Variants in KSR2 observed in about 807,000 individuals in gnomAD.
KSR2 encodes kinase suppressor of ras 2.
A neutral mutation model predicts 107.8 loss-of-function variants in KSR2; 25 were observed. The observed-to-expected ratio is 0.23, with a 90% CI of 0.17 to 0.32. KSR2 has a LOEUF of 0.32. Ranked by LOEUF, KSR2 falls within the 10% of genes least tolerant of loss-of-function variation. The pLI is 1.00. For missense variants in KSR2, 887 were observed against 1,268.9 expected (o/e 0.70, Z 4.57); for synonymous variants, 480 against 507.0 (o/e 0.95, Z 0.71).
chr12:117,615,018 T>A (rs1039130790), intron 5 of KSR2, among the ~76,000 whole-genome samples: 2 of 152,074 alleles, frequency 1.3e-5, no homozygotes, highest in African/African-American at 2.4e-5. Flanking sequence ...AGACCTAGGA[T>A]GCCGTCCCTT....
intron 19 of KSR2, chr12:117,467,691 TCCACACTGCAG>T (rs1429510371): frequency 1.4e-5 from 5 of 359,260 alleles, no homozygotes; most frequent in Admixed American, 1.3e-4. Flanking sequence ...GGGACTGGGA[TCCACACTGCAG>T]CCTCCTGCTA....
chr12:117,529,075 A>G (rs1798897906), intron 12 of KSR2, among the ~76,000 whole-genome samples: 2 of 152,222 alleles, frequency 1.3e-5, no homozygotes, highest in South Asian at 2.1e-4. Context: ...AAAGTCCATA[A>G]GACCAGTCAG....
intron 14 of KSR2, among the ~76,000 whole-genome samples, chr12:117,488,430 A>G (rs532417426): frequency 2.0e-5 from 3 of 152,312 alleles, no homozygotes; most frequent in African/African-American, 7.2e-5. Context: ...TGTGTCCCCA[A>G]TTCCGTATGT....
chr12:117,962,372 G>T (rs1323226118), intron 1 of KSR2, among the ~76,000 whole-genome samples: 1 of 151,664 alleles, frequency 6.6e-6, no homozygotes, highest in Non-Finnish European at 1.5e-5. Context: ...CTATCCTACA[G>T]CCTAGGGATT....
At chr12:117,631,672 A>C (rs897577682) in intron 5 of KSR2, among the ~76,000 whole-genome samples, 1 of 152,204 alleles carries the variant, frequency 6.6e-6, no homozygotes, top group Non-Finnish European at 1.5e-5. Context: ...GTTCATTAAC[A>C]ACCAGAATCC....
intron 19 of KSR2, among the ~76,000 whole-genome samples, chr12:117,469,349 TGGC>T (rs770688864): frequency 2.0e-5 from 3 of 152,096 alleles, no homozygotes; most frequent in Non-Finnish European, 4.4e-5. Flanking sequence ...ATGGGGGGCT[TGGC>T]AGGTTCAGAC....
At chr12:117,641,349 T>C (rs1159650337) in intron 5 of KSR2, among the ~76,000 whole-genome samples, 6 of 152,152 alleles carry the variant, frequency 3.9e-5, no homozygotes, top group Non-Finnish European at 5.9e-5. Context: ...CCCACCTGCC[T>C]CTGCCTCCCA....
chr12:117,792,006 A>T (rs1465562691), intron 3 of KSR2, among the ~76,000 whole-genome samples: 1 of 152,156 alleles, frequency 6.6e-6, no homozygotes, highest in Non-Finnish European at 1.5e-5. Context: ...AAGATCTGAC[A>T]TTCCCTCTGT....
rs146970903 is a variant in KSR2, at chr12:117,826,732, C to T, written c.472+28696G>A. ...CACACACACACACACACACACACGCCGAGAGAGACAGAACTGATTCAAGGA... is the reference window on the plus strand; with the variant it reads ...CACACACACACACACACACACACGCTGAGAGAGACAGAACTGATTCAAGGA... On this transcript the variant is annotated intron_variant, in intron 3 of 19. Transcript: ENST00000339824. Among the ~76,000 whole-genome samples the T allele has an allele frequency of 2.9e-3, 436 of 151,098 alleles. 1 individual carries two copies. The highest frequency in any genetic ancestry group is 9.7e-3 in the African/African-American group (398 of 41,098).
At chr12:117,794,961 T>C (rs1890569873) in intron 3 of KSR2, among the ~76,000 whole-genome samples, 1 of 152,206 alleles carries the variant, frequency 6.6e-6, no homozygotes, top group Non-Finnish European at 1.5e-5. Context: ...CAGAGAACAC[T>C]GCTAATGGTT....
intron 5 of KSR2, among the ~76,000 whole-genome samples, chr12:117,593,904 C>G (rs1353201309): frequency 6.6e-6 from 1 of 152,238 alleles, no homozygotes; most frequent in East Asian, 1.9e-4. Context: ...ATGCAGAGGA[C>G]AGAACTGTCT....
chr12:117,675,380 A>T (rs1466433929), intron 4 of KSR2, among the ~76,000 whole-genome samples: 6 of 152,234 alleles, frequency 3.9e-5, no homozygotes, highest in Non-Finnish European at 2.9e-5. Flanking sequence ...TCCATCTGCA[A>T]ATCAGGAGGG....
At chr12:117,616,213 A>T (rs1004618674) in intron 5 of KSR2, among the ~76,000 whole-genome samples, 6 of 152,086 alleles carry the variant, frequency 3.9e-5, no homozygotes, top group Non-Finnish European at 7.4e-5. Context: ...TGCCTAGTAA[A>T]TTGAAAATAT....
intron 1 of KSR2, 39 bp downstream of exon 1, chr12:117,968,029 CTTTTTTTT>C (rs34834989): frequency 0.022 from 14,590 of 672,520 alleles, 82 homozygotes; most frequent in East Asian, 0.038. Context: ...AGAAGGATTG[CTTTTTTTT>C]TTTTTTTTTT....
At chr12:117,699,913 C>T (rs929716250) in intron 4 of KSR2, among the ~76,000 whole-genome samples, 2 of 152,070 alleles carry the variant, frequency 1.3e-5, no homozygotes, top group African/African-American at 4.8e-5. Flanking sequence ...CACTCTGTCA[C>T]CCTGGCTGGA....
intron 7 of KSR2, 138 bp downstream of exon 7, chr12:117,578,981 C>A (rs708861): frequency 0.9 from 622,649 of 691,850 alleles, 280,873 homozygotes; most frequent in East Asian, 0.99. Flanking sequence ...GGTGCATTTC[C>A]AATCTATTTC....
At chr12:117,470,443 C>T (rs1375121765) in intron 18 of KSR2, among the ~76,000 whole-genome samples, 1 of 152,198 alleles carries the variant, frequency 6.6e-6, no homozygotes, top group African/African-American at 2.4e-5. Context: ...TTCCCATGTA[C>T]TTTCTGAGCC....
In KSR2 at chr12:117,539,926, G is replaced by A. The variant is rs772860458; in HGVS notation, c.1519-39C>T. 8 of 1,555,124 alleles carry A rather than the reference G, an allele frequency of 5.1e-6. No homozygotes were observed. In the East Asian group the frequency reaches 1.7e-4, roughly 32 times the overall value. On this transcript the variant is annotated intron_variant, in intron 9 of 19. Coordinates refer to ENST00000339824, the MANE Select transcript of KSR2 (RefSeq NM_173598.6). ...ACAGGGTAGGAGTCAGGGACAGGCA[G>A]GGAAGCAGAAACACAGCAGAAAGAG...
At position 117,635,558 on chromosome 12, in the gene KSR2, G is replaced by A. The variant is rs149719718; in HGVS notation, c.1171+31916C>T. ...ACCCAAGAGATGATCAGTATAAGAC[G>A]CCAAAGTAAGTGATGGGTTTAAGGA... On this transcript the variant is annotated intron_variant, in intron 5 of 19. Transcript: ENST00000339824. Among the ~76,000 whole-genome samples the A allele has an allele frequency of 3.2e-3, 486 of 152,238 alleles. 4 individuals carry two copies. The highest frequency in any genetic ancestry group is 0.01 in the African/African-American group (434 of 41,524).
Sources: allele counts gnomAD v4.1 joint callset (sites outside exome capture counted in the v4.1 genomes callset), GRCh38; gene constraint gnomAD v4.1.1; transcripts MANE v1.5; gene names NCBI Gene and HGNC (gene_info 2026-07-23, HGNC 2026-07-21).